The following PIANP variants were observed in gnomAD, a reference collection of about 807,000 sequenced individuals.
PIANP encodes PILR alpha-associated neural protein.
A neutral mutation model predicts 28.9 loss-of-function variants in PIANP; 14 were observed. The observed-to-expected ratio is 0.49, with a 90% CI of 0.32 to 0.76. The LOEUF (loss-of-function observed/expected upper bound fraction) is 0.76, where lower values mean the gene tolerates loss of function less well. Ranked by LOEUF, PIANP falls within the 30% of genes least tolerant of loss-of-function variation. The probability of loss-of-function intolerance (pLI) is 0.03; values close to 1 mark genes in which losing one functional copy is unlikely to be tolerated. For synonymous variants in PIANP, 149 were observed against 156.6 expected (o/e 0.95, Z 0.36); for missense variants, 322 against 371.8 (o/e 0.87, Z 1.10).
In PIANP at chr12:6,695,495, C is replaced by T; in HGVS notation, c.762G>A (p.Glu254=). The T allele has an allele frequency of 1.3e-6, 2 of 1,539,966 alleles. No homozygotes were observed. The highest frequency in any genetic ancestry group is 4.8e-5 in the East Asian group (2 of 41,972). Residue 254 remains glutamate, a synonymous_variant, in exon 5 of 5, where the codon GAG becomes GAA. Coordinates refer to ENST00000534837, the MANE Select transcript of PIANP (RefSeq NM_001244014.2). This position sits in a 1 kb window ranked among gnomAD's most constrained non-coding sequence, Gnocchi z 4.2. ...TCCCAGGCCGGGGTCCCCCTCGGGG[C>T]TCCTCATGGTCAGGGGTGGGGGTAG... is the stretch of plus-strand genomic sequence containing the variant. ...DSPTPTPDHE[E]PRGGPRPGMP... is the part of the protein sequence containing the mutation.
chr12:6,698,339 C>T (rs1384118128), intron 1 of PIANP: 3 of 567,544 alleles, frequency 5.3e-6, no homozygotes, highest in South Asian at 2.0e-5. Flanking sequence ...CCTCTCCACC[C>T]CAGGGTCTAC....
chr12:6,699,993 G>C (rs1960001143), intron 1 of PIANP: 1 of 152,258 alleles, frequency 6.6e-6, no homozygotes, highest in Admixed American at 6.5e-5. Flanking sequence ...TAGGACTATC[G>C]CCCCTCCGCC....
chr12:6,697,178 C>T lies in PIANP; in HGVS notation c.523+109G>A. On this transcript the variant is annotated intron_variant, in intron 3 of 4. Transcript: ENST00000534837. The surrounding 1 kb of genome is among the most constrained non-coding windows in gnomAD (Gnocchi z 6.9). ...CTCTGCATCCTGTGCCAGTATAGTGCCTGACACATTTGTTGAAGGAGCTAA... is the reference window on the plus strand; with the variant it reads ...CTCTGCATCCTGTGCCAGTATAGTGTCTGACACATTTGTTGAAGGAGCTAA... 1 of 1,450,454 alleles carries T rather than the reference C, an allele frequency of 6.9e-7. No homozygotes were observed. Among genetic ancestry groups the T allele is most frequent in the Non-Finnish European group, 9.3e-7 (1 of 1,075,684 alleles). 89.8% of individuals were successfully genotyped at this position (1,450,454 alleles called of 1,614,324 possible). A position where few individuals can be genotyped will look rare whatever the true frequency, so the allele number is the denominator to read the frequency against.
rs1340361637 is a variant in PIANP at position 6,697,701 on chromosome 12, G to A, written c.109C>T (p.Arg37Ter). The change falls in exon 3 of 5, where the codon CGA becomes TGA. Residue 37 changes from arginine (R) to a stop codon, truncating the protein, a stop_gained. Transcript: ENST00000534837. LOFTEE classifies it high-confidence loss of function. This position sits in a 1 kb window ranked among gnomAD's most constrained non-coding sequence, Gnocchi z 6.9. Reference protein sequence around the residue: ...PPAQGSSSSPRTPPAPARPPC... With the variant: ...PPAQGSSSSP ...GGGCGGGCTGGGGCTGGTGGGGTTC[G>A]AGGGGAGGATGAAGAGCCCTGAGCA... 1 of 1,556,664 alleles carries A rather than the reference G, an allele frequency of 6.4e-7. No individual in the cohort carries two copies. The highest frequency in any genetic ancestry group is 8.7e-7 in the Non-Finnish European group (1 of 1,151,696).
In PIANP at chr12:6,697,211, G is replaced by T; in HGVS notation, c.523+76C>A. Reference sequence around the variant, plus strand: ...ATTTGTTGAAGGAGCTAACAGACAAGGCCTCTATTTCTGCCCCTTGGTGTC... The same window carrying T: ...ATTTGTTGAAGGAGCTAACAGACAATGCCTCTATTTCTGCCCCTTGGTGTC... On this transcript the variant is annotated intron_variant, in intron 3 of 4. Coordinates refer to ENST00000534837, the MANE Select transcript of PIANP (RefSeq NM_001244014.2). The surrounding 1 kb of genome is among the most constrained non-coding windows in gnomAD (Gnocchi z 6.9). The T allele has an allele frequency of 6.4e-7, 1 of 1,564,044 alleles. No individual in the cohort carries two copies. The highest frequency in any genetic ancestry group is 8.6e-7 in the Non-Finnish European group (1 of 1,158,694).
intron 1 of PIANP, among the ~76,000 whole-genome samples, chr12:6,699,250 A>C (rs1405391648): frequency 6.6e-6 from 1 of 152,194 alleles, no homozygotes; most frequent in East Asian, 1.9e-4. Flanking sequence ...GACTCAAAAA[A>C]TAAAATAAAT....
chr12:6,695,125 A>G lies in PIANP; in HGVS notation c.*301T>C. 1 of 1,530,132 alleles carries G rather than the reference A, an allele frequency of 6.5e-7. No homozygotes were observed. Among genetic ancestry groups the G allele is most frequent in the Non-Finnish European group, 8.8e-7 (1 of 1,137,786 alleles). 94.8% of individuals were successfully genotyped at this position (1,530,132 alleles called of 1,614,324 possible). A position where few individuals can be genotyped will look rare whatever the true frequency, so the allele number is the denominator to read the frequency against. On this transcript the variant is annotated 3_prime_UTR_variant, in exon 5 of 5. Coordinates refer to ENST00000534837, the MANE Select transcript of PIANP (RefSeq NM_001244014.2). The surrounding 1 kb of genome is among the most constrained non-coding windows in gnomAD (Gnocchi z 4.2). Reference sequence around the variant, plus strand: ...AGGCCAGAATAGAAGGGGAAGTTCAAGACAAAGAGGGGGAATCAAGGTTAA... The same window carrying G: ...AGGCCAGAATAGAAGGGGAAGTTCAGGACAAAGAGGGGGAATCAAGGTTAA...
At chr12:6,699,576 A>C (rs1028631944) in intron 1 of PIANP, among the ~76,000 whole-genome samples, 1 of 151,310 alleles carries the variant, frequency 6.6e-6, no homozygotes, top group Non-Finnish European at 1.5e-5. Context: ...AACGGAGAGG[A>C]TGAAGGGGTC....
At chr12:6,692,942 A>G (rs1027844557), downstream of PIANP, among the ~76,000 whole-genome samples, 4 of 152,150 alleles carry the variant, frequency 2.6e-5, no homozygotes, top group African/African-American at 9.7e-5. Context: ...AGAGCAGCCC[A>G]GGCCACCCTT....
At chr12:6,698,348 A>T (rs992819961) in intron 1 of PIANP, 1 of 542,746 alleles carries the variant, frequency 1.8e-6, no homozygotes, top group African/African-American at 1.9e-5. Context: ...CCCAGGGTCT[A>T]CTCTGGCTTC....
At chr12:6,699,494 T>G (rs1959983751) in intron 1 of PIANP, among the ~76,000 whole-genome samples, 2 of 144,298 alleles carry the variant, frequency 1.4e-5, no homozygotes, top group East Asian at 2.1e-4. Context: ...AGGAGGAGAG[T>G]GGGTACAGAA....
At chr12:6,699,179 G>A (rs1034224062) in intron 1 of PIANP, among the ~76,000 whole-genome samples, 1 of 152,170 alleles carries the variant, frequency 6.6e-6, no homozygotes, top group Admixed American at 6.5e-5. Context: ...GGGAGGCGGA[G>A]GTTGCAGTGA....
Position 6,697,603 on chromosome 12 carries a change from T to G in PIANP, c.207A>C (p.Arg69=). The change falls in exon 3 of 5, where the codon CGA becomes CGC. Residue 69 remains arginine (R), a synonymous_variant. Transcript: ENST00000534837. The surrounding 1 kb of genome is among the most constrained non-coding windows in gnomAD (Gnocchi z 6.9). ...GACGTGATCTTGGGACCCGAGGAGATCGGCTTGGTGGAGGTGCTCGCTCCC... is the reference window on the plus strand; with the variant it reads ...GACGTGATCTTGGGACCCGAGGAGAGCGGCTTGGTGGAGGTGCTCGCTCCC... ...CVWERAPPPS[R]SPRVPRSRRQ... is the part of the protein sequence containing the mutation. The G allele has an allele frequency of 1.3e-6, 2 of 1,574,990 alleles. No homozygotes were observed. The highest frequency in any genetic ancestry group is 2.7e-5 in the African/African-American group (2 of 74,040).
chr12:6,692,913 A>C (rs576476953), downstream of PIANP, among the ~76,000 whole-genome samples: 2 of 152,232 alleles, frequency 1.3e-5, no homozygotes, highest in Admixed American at 6.5e-5. Context: ...AGATAAATGC[A>C]TGGGGGCATA....
In PIANP at chr12:6,698,084, G is replaced by A; in HGVS notation, c.-23C>T. On this transcript the variant is annotated 5_prime_UTR_variant, in exon 2 of 5. Coordinates refer to ENST00000534837, the MANE Select transcript of PIANP (RefSeq NM_001244014.2). ...CATGTCTGAGGTCTTCCTCAGCTGTGACCCAGATTTTCAGCCTTTACTGGG... is the reference window on the plus strand; with the variant it reads ...CATGTCTGAGGTCTTCCTCAGCTGTAACCCAGATTTTCAGCCTTTACTGGG... 1 of 1,563,220 alleles carries A rather than the reference G, an allele frequency of 6.4e-7. No homozygotes were observed. Among genetic ancestry groups the A allele is most frequent in the Non-Finnish European group, 8.7e-7 (1 of 1,152,358 alleles).
At position 6,695,383 on chromosome 12, in the gene PIANP, A is replaced by G. The variant is rs1310104828; in HGVS notation, c.*43T>C. 1 of 1,434,176 alleles carries G rather than the reference A, an allele frequency of 7.0e-7. No homozygotes were observed. Among genetic ancestry groups the G allele is most frequent in the Admixed American group, 2.7e-5 (1 of 36,400 alleles). The allele number at this position is 1,434,176 out of a possible 1,614,324, so 88.8% of individuals were successfully genotyped here. On this transcript the variant is annotated 3_prime_UTR_variant, in exon 5 of 5. Transcript: ENST00000534837. This position sits in a 1 kb window ranked among gnomAD's most constrained non-coding sequence, Gnocchi z 4.2. ...CCCCCACCCCAGCTCTGAAGACCTA[A>G]GTTGCCTTCCCTCTTTGCCCTCCCA...
Position 6,695,002 on chromosome 12 carries a change from C to T in PIANP, c.*424G>A. On this transcript the variant is annotated 3_prime_UTR_variant, in exon 5 of 5. Coordinates refer to ENST00000534837, the MANE Select transcript of PIANP (RefSeq NM_001244014.2). This position sits in a 1 kb window ranked among gnomAD's most constrained non-coding sequence, Gnocchi z 4.2. ...GATGGGGGCTGTGCCGGCCCCTTGG[C>T]CTCCTGCTTGGCTGCACCCCAACAT... 1 of 1,546,660 alleles carries T rather than the reference C, an allele frequency of 6.5e-7. No individual in the cohort carries two copies. The highest frequency in any genetic ancestry group is 8.7e-7 in the Non-Finnish European group (1 of 1,144,578).
rs553895825 is a variant in PIANP, at chr12:6,699,352, T to C, written c.-43-1248A>G. On this transcript the variant is annotated intron_variant, in intron 1 of 4. Transcript: ENST00000534837. Reference sequence around the variant, plus strand: ...GTGGGGAAGCAGGCAGTGGGAGAGATGGGAAGGGGTGAAGGGCTGGGAGAT... The same window carrying C: ...GTGGGGAAGCAGGCAGTGGGAGAGACGGGAAGGGGTGAAGGGCTGGGAGAT... Among the ~76,000 whole-genome samples the C allele has an allele frequency of 3.3e-5, 5 of 150,926 alleles. No individual in the cohort carries two copies. The East Asian group carries it at 9.8e-4, about 29-fold the overall frequency.
chr12:6,695,497 C>T lies in PIANP; in HGVS notation c.760G>A (p.Glu254Lys), dbSNP rs200834718. The T allele has an allele frequency of 3.4e-5, 52 of 1,543,062 alleles. 2 individuals carry two copies. In the South Asian group the frequency reaches 6.0e-4, roughly 18 times the overall value. Residue 254 changes from glutamate (E) to lysine (K), a missense_variant, in exon 5 of 5, where the codon GAG (glutamate) becomes AAG (lysine). Coordinates refer to ENST00000534837, the MANE Select transcript of PIANP (RefSeq NM_001244014.2). The surrounding 1 kb of genome is among the most constrained non-coding windows in gnomAD (Gnocchi z 4.2). ...CCAGGCCGGGGTCCCCCTCGGGGCT[C>T]CTCATGGTCAGGGGTGGGGGTAGGT... ...DSPTPTPDHE[E>K]PRGGPRPGMP...
Sources: gnomAD v4.1 joint callset for allele counts (sites outside exome capture counted in the v4.1 genomes callset) on GRCh38, gnomAD v4.1.1 for gene constraint, Gnocchi (gnomAD v3.1) non-coding constraint, MANE v1.5 for transcripts, NCBI Gene and HGNC (gene_info 2026-07-23, HGNC 2026-07-21) for gene names.